CCDC186: variants seen among roughly 807,000 people sequenced by gnomAD.
CCDC186 encodes the protein coiled-coil domain containing 186.
A neutral mutation model predicts 113.7 loss-of-function variants in CCDC186; 49 were observed. The observed-to-expected ratio is 0.43, with a 90% CI of 0.34 to 0.55. CCDC186 has a LOEUF of 0.55. Among genes scored for constraint, CCDC186 ranks in the 20% least tolerant of loss-of-function variants. The pLI is 0.02. For missense variants in CCDC186, 890 were observed against 1,011.1 expected (o/e 0.88, Z 1.62); for synonymous variants, 355 against 345.8 (o/e 1.03, Z -0.30).
intron 1 of CCDC186, among the ~76,000 whole-genome samples, chr10:114,171,548 C>T (rs951847406): frequency 6.6e-6 from 1 of 151,910 alleles, no homozygotes; most frequent in African/African-American, 2.4e-5. Context: ...GAGATCTTGT[C>T]TCAAAAAACT....
chr10:114,153,250 T>C (rs1322203182), intron 3 of CCDC186, among the ~76,000 whole-genome samples: 2 of 152,144 alleles, frequency 1.3e-5, no homozygotes, highest in Admixed American at 6.5e-5. Flanking sequence ...ATTAAAATCA[T>C]ATGAAGCATA....
At position 114,125,313 on chromosome 10, in the gene CCDC186, A is replaced by G. The variant is rs974342045; in HGVS notation, c.2614-87T>C. The stretch of plus-strand genomic sequence containing the variant: ...TTCAGTTTGAACTATTTTTTGCCTA[A>G]ATTTTGGAAATGAAAGAGTGGTTAG... On this transcript the variant is annotated intron_variant, in intron 15 of 15. Transcript: ENST00000369287. The G allele has an allele frequency of 4.1e-6, 4 of 986,742 alleles. No homozygotes were observed. The East Asian group carries it at 1.1e-4, about 26-fold the overall frequency. The allele number at this position is 986,742 out of a possible 1,614,324, so 61.1% of individuals were successfully genotyped here. A position where few individuals can be genotyped will look rare whatever the true frequency, so the allele number is the denominator to read the frequency against.
At chr10:114,133,847 A>G (rs2031170340) in intron 10 of CCDC186, among the ~76,000 whole-genome samples, 1 of 152,236 alleles carries the variant, frequency 6.6e-6, no homozygotes, top group Admixed American at 6.5e-5. Context: ...AGAAGATTAT[A>G]TAAAGTTTGG....
chr10:114,125,597 T>TA (rs1370856930), intron 15 of CCDC186, among the ~76,000 whole-genome samples: 20 of 152,216 alleles, frequency 1.3e-4, no homozygotes, highest in Non-Finnish European at 2.9e-5. Context: ...GTCATAATCT[T>TA]AAAAAATTAT....
chr10:114,173,573 G>A (rs1180958658), intron 1 of CCDC186, among the ~76,000 whole-genome samples: 3 of 152,196 alleles, frequency 2.0e-5, no homozygotes, highest in Non-Finnish European at 4.4e-5. Context: ...AGGGTAACAA[G>A]TCTTCACAAC....
At position 114,159,659 on chromosome 10, in the gene CCDC186, A is replaced by T. The variant is rs1198161873; in HGVS notation, c.633-1979T>A. Among the ~76,000 whole-genome samples, 176 of 151,830 alleles carry T rather than the reference A, an allele frequency of 1.2e-3. 1 individual carries two copies. Among genetic ancestry groups the T allele is most frequent in the African/African-American group, 4.0e-3 (167 of 41,462 alleles). ...CCGTCTCAAAAAAAAAAAAAAAAAA[A>T]AAAAAGAATTTTAGGCTAGGCACAG... On this transcript the variant is annotated intron_variant, in intron 2 of 15. Coordinates refer to ENST00000369287, the MANE Select transcript of CCDC186 (RefSeq NM_018017.4).
Position 114,126,097 on chromosome 10 carries a change from T to C in CCDC186, c.2402A>G (p.Gln801Arg), listed in dbSNP as rs1381773500. The change falls in exon 15 of 16, where the codon CAA (glutamine) becomes CGA (arginine). Residue 801 changes from glutamine to arginine, a missense_variant. Coordinates refer to ENST00000369287, the MANE Select transcript of CCDC186 (RefSeq NM_018017.4). ...EEIRKKTKII[Q>R]SYILREESGT... ...TGATTCTTCTCGTAAAATATAACTT[T>C]GAATTATTCTGCAAAACAAAATGAT... 1 of 1,613,326 alleles carries C rather than the reference T, an allele frequency of 6.2e-7. No homozygotes were observed. The highest frequency in any genetic ancestry group is 1.1e-5 in the South Asian group (1 of 91,058).
At position 114,162,828 on chromosome 10, in the gene CCDC186, C is replaced by G. The variant is rs1413288979; in HGVS notation, c.441G>C (p.Lys147Asn). The G allele has an allele frequency of 1.5e-5, 24 of 1,613,682 alleles. No homozygotes were observed. The highest frequency in any genetic ancestry group is 1.9e-5 in the Non-Finnish European group (23 of 1,179,878). The change falls in exon 2 of 16, where the codon AAG (lysine) becomes AAC (asparagine). Residue 147 changes from lysine to asparagine, a missense_variant. Lys to Asn is a moderately conservative substitution (Grantham distance 94). Coordinates refer to ENST00000369287, the MANE Select transcript of CCDC186 (RefSeq NM_018017.4). ...SESPYDTDCT[K>N]KFISKIKSVS... Reference sequence around the variant, plus strand: ...CGCTCTTTATTTTTGAAATAAATTTCTTGGTGCAGTCTGTATCATAGGGGC... The same window carrying G: ...CGCTCTTTATTTTTGAAATAAATTTGTTGGTGCAGTCTGTATCATAGGGGC...
intron 3 of CCDC186, among the ~76,000 whole-genome samples, chr10:114,153,096 A>C (rs1040873125): frequency 2.0e-5 from 3 of 152,218 alleles, no homozygotes; most frequent in Admixed American, 6.5e-5. Context: ...AGGAGACTTA[A>C]ACACTACAAA....
chr10:114,139,974 A>T (rs2031413638), intron 6 of CCDC186, among the ~76,000 whole-genome samples: 1 of 152,210 alleles, frequency 6.6e-6, no homozygotes. Flanking sequence ...AATCACATTA[A>T]ATGTTTTGGT....
At chr10:114,127,366 A>C in intron 14 of CCDC186, 95 bp downstream of exon 14, 1 of 1,108,562 alleles carries the variant, frequency 9.0e-7, no homozygotes, top group Non-Finnish European at 1.3e-6. Flanking sequence ...TTTTTGAAAG[A>C]TAGGTTCTTG....
intron 12 of CCDC186, chr10:114,130,312 C>T (rs2119691445): frequency 5.7e-6 from 1 of 174,272 alleles, no homozygotes; most frequent in South Asian, 1.3e-4. Context: ...ACAAACTAAA[C>T]TCTATGGCAA....
At chr10:114,148,914 A>G (rs1299453400) in intron 4 of CCDC186, among the ~76,000 whole-genome samples, 1 of 152,248 alleles carries the variant, frequency 6.6e-6, no homozygotes, top group Non-Finnish European at 1.5e-5. Flanking sequence ...GTGCACATGA[A>G]CATGGGTAAA....
chr10:114,170,238 CA>C (rs998627450), intron 1 of CCDC186, among the ~76,000 whole-genome samples: 50 of 146,812 alleles, frequency 3.4e-4, no homozygotes, highest in Admixed American at 5.4e-4. Flanking sequence ...AGGGCTATTT[CA>C]AAAAAAAAAC....
intron 2 of CCDC186, among the ~76,000 whole-genome samples, chr10:114,158,702 A>C (rs75793482): frequency 0.019 from 2,859 of 152,284 alleles, 95 homozygotes; most frequent in African/African-American, 0.066. Context: ...TTTGTCTCTA[A>C]AAATAAAATA....
chr10:114,163,066 T>C lies in CCDC186; in HGVS notation c.203A>G (p.Asn68Ser). The stretch of plus-strand genomic sequence containing the variant: ...ACCTCCACCATGATCTGGAATATAA[T>C]TTTCCTGGGCTTCAATTCGATTATT... ...EHNNRIEAQE[N>S]YIPDHGGGED... Residue 68 changes from asparagine to serine, a missense_variant, in exon 2 of 16, where the codon AAT (asparagine) becomes AGT (serine). Transcript: ENST00000369287. The C allele has an allele frequency of 6.2e-7, 1 of 1,614,134 alleles. No homozygotes were observed. The highest frequency in any genetic ancestry group is 8.5e-7 in the Non-Finnish European group (1 of 1,180,002).
At chr10:114,171,006 T>C (rs1281674025) in intron 1 of CCDC186, among the ~76,000 whole-genome samples, 2 of 152,126 alleles carry the variant, frequency 1.3e-5, no homozygotes, top group Admixed American at 1.3e-4. Context: ...ACACCATATA[T>C]GTCATATCAG....
chr10:114,163,115 T>G lies in CCDC186; in HGVS notation c.154A>C (p.Thr52Pro), dbSNP rs754100177. ...TTATGCTCATTAGGTTGACATAAAG[T>G]TTTATCAGTGTTTAATGACAATAGT... ...SKLLSLNTDK[T>P]LCQPNEHNNR... The change falls in exon 2 of 16, where the codon ACT becomes CCT. Residue 52 changes from threonine (T) to proline (P), a missense_variant. Coordinates refer to ENST00000369287, the MANE Select transcript of CCDC186 (RefSeq NM_018017.4). 9.3e-6 allele frequency: 15 copies of G among 1,613,912 alleles called. No homozygotes were observed. The highest frequency in any genetic ancestry group is 1.3e-5 in the Non-Finnish European group (15 of 1,179,936).
At position 114,144,751 on chromosome 10, in the gene CCDC186, A is replaced by G. The variant is rs1048341479; in HGVS notation, c.1102-135T>C. The G allele has an allele frequency of 4.4e-6, 3 of 683,274 alleles. No homozygotes were observed. In the African/African-American group the frequency reaches 5.5e-5, roughly 13 times the overall value. 42.3% of individuals were successfully genotyped at this position (683,274 alleles called of 1,614,324 possible). ...CACACTATAGCCCACAGACTATAAA[A>G]CTTATTTAAAGTCCAAATGAGAAGA... is the stretch of plus-strand genomic sequence containing the variant. On this transcript the variant is annotated intron_variant, in intron 5 of 15. Coordinates refer to ENST00000369287, the MANE Select transcript of CCDC186 (RefSeq NM_018017.4).
Sources: gnomAD v4.1 joint callset for allele counts (sites outside exome capture counted in the v4.1 genomes callset) on GRCh38, gnomAD v4.1.1 for gene constraint, MANE v1.5 for transcripts, NCBI Gene and HGNC (gene_info 2026-07-23, HGNC 2026-07-21) for gene names.